Variants in ZNF717 observed in about 807,000 individuals in gnomAD.
The protein encoded by ZNF717 is krueppel-like factor X17.
Under a neutral mutation model 13.8 loss-of-function variants are expected in ZNF717, and 9 were observed. That is an observed-to-expected ratio of 0.65 (90% CI 0.39 to 1.14). The LOEUF (loss-of-function observed/expected upper bound fraction) is 1.14. ZNF717 is among the 50% of genes most tolerant of loss of function. The pLI, the probability that ZNF717 is intolerant of heterozygous loss-of-function variation, is 0.01. For synonymous variants in ZNF717, 327 were observed against 364.1 expected, an observed-to-expected ratio of 0.90 and a Z score of 1.16; for missense variants, 1,040 against 1,080.7, an observed-to-expected ratio of 0.96 and a Z score of 0.53.
At chr3:75,778,210 C>T (rs542451164) in intron 2 of ZNF717, among the ~76,000 whole-genome samples, 2 of 151,820 alleles carry the variant, frequency 1.3e-5, no homozygotes, top group East Asian at 3.9e-4. Flanking sequence ...GAGTGACGTG[C>T]TAAAACTGGA....
At chr3:75,725,690 GAC>G (rs1329471011), downstream of ZNF717, among the ~76,000 whole-genome samples, 41 of 133,560 alleles carry the variant, frequency 3.1e-4, no homozygotes, top group Non-Finnish European at 5.5e-4. Context: ...CACGGCAGCA[GAC>G]AAGAGAGAGC....
chr3:75,735,192 A>T (rs1939010519), downstream of ZNF717, among the ~76,000 whole-genome samples: 1 of 152,214 alleles, frequency 6.6e-6, no homozygotes, highest in South Asian at 2.1e-4. Flanking sequence ...GGCAACAATA[A>T]CACAAGACAT....
At chr3:75,763,784 A>G (rs1943219390) in intron 2 of ZNF717, among the ~76,000 whole-genome samples, 2 of 152,406 alleles carry the variant, frequency 1.3e-5, no homozygotes, top group Admixed American at 1.3e-4. Context: ...CAGAAAAACA[A>G]TCAAACCAGT....
chr3:75,734,172 C>G (rs1938868188), downstream of ZNF717, among the ~76,000 whole-genome samples: 1 of 152,002 alleles, frequency 6.6e-6, no homozygotes, highest in Non-Finnish European at 1.5e-5. Context: ...CAGGTTCAAG[C>G]AATTCTCTGC....
At chr3:75,697,015 G>A (rs1373481468) in intron 6 of ZNF717, among the ~76,000 whole-genome samples, 207 of 148,992 alleles carry the variant, frequency 1.4e-3, no homozygotes, top group African/African-American at 5.0e-3. Context: ...AACTGGGTAT[G>A]GAATGAACAT....
intron 6 of ZNF717, among the ~76,000 whole-genome samples, chr3:75,695,722 A>G (rs1362983191): frequency 1.3e-5 from 2 of 152,248 alleles, no homozygotes; most frequent in African/African-American, 2.4e-5. Flanking sequence ...CTCCTGAATG[A>G]TTAGTAGGTC....
chr3:75,742,665 G>A (rs1355055609), intron 2 of ZNF717, among the ~76,000 whole-genome samples: 1 of 152,208 alleles, frequency 6.6e-6, no homozygotes, highest in African/African-American at 2.4e-5. Flanking sequence ...ATCCTGGACA[G>A]TGATGAAAGC....
At chr3:75,761,076 A>C (rs1942964189) in intron 2 of ZNF717, among the ~76,000 whole-genome samples, 1 of 152,182 alleles carries the variant, frequency 6.6e-6, no homozygotes, top group Non-Finnish European at 1.5e-5. Context: ...ACAAACCACC[A>C]TACTGCATCA....
At chr3:75,767,034 T>C (rs1440511312) in intron 2 of ZNF717, among the ~76,000 whole-genome samples, 1 of 152,266 alleles carries the variant, frequency 6.6e-6, no homozygotes, top group Non-Finnish European at 1.5e-5. Context: ...TTGCCCAGAC[T>C]ACTGACTTAT....
chr3:75,724,681 GTTTA>G (rs1312896443), intron 4 of ZNF717, among the ~76,000 whole-genome samples: 5 of 151,338 alleles, frequency 3.3e-5, no homozygotes, highest in South Asian at 4.2e-4. Flanking sequence ...AAATTGGCAT[GTTTA>G]TTTAAGCAAC....
intron 2 of ZNF717, 28 bp from the exon 3 acceptor site, chr3:75,741,764 C>A (rs1261485817): frequency 9.6e-6 from 15 of 1,567,762 alleles, no homozygotes; most frequent in Non-Finnish European, 1.3e-5. Flanking sequence ...TGTTGTAGGT[C>A]TCCAGCATCA....
intron 2 of ZNF717, among the ~76,000 whole-genome samples, chr3:75,748,070 C>T (rs200196546): frequency 8.5e-5 from 13 of 152,080 alleles, no homozygotes; most frequent in South Asian, 2.1e-4. Flanking sequence ...AACACCTCTA[C>T]GCAAATAAAC....
intron 2 of ZNF717, among the ~76,000 whole-genome samples, chr3:75,762,519 G>A (rs1943123517): frequency 6.7e-6 from 1 of 150,288 alleles, no homozygotes; most frequent in Non-Finnish European, 1.5e-5. Context: ...GAGGGCAAAA[G>A]ATTTGAACAC....
intron 2 of ZNF717, among the ~76,000 whole-genome samples, chr3:75,749,171 T>A (rs1356374145): frequency 1.3e-5 from 2 of 149,850 alleles, no homozygotes; most frequent in Non-Finnish European, 3.0e-5. Context: ...GTCCCCCGCA[T>A]AGGATTCCAG....
intron 2 of ZNF717, among the ~76,000 whole-genome samples, chr3:75,743,457 G>A (rs75833937): frequency 4.6e-5 from 7 of 151,288 alleles, no homozygotes; most frequent in South Asian, 2.1e-4. Flanking sequence ...TCCTTTCTAC[G>A]GGACAAAAAA....
At chr3:75,721,660 C>T (rs1938169304) in intron 4 of ZNF717, among the ~76,000 whole-genome samples, 1 of 152,042 alleles carries the variant, frequency 6.6e-6, no homozygotes, top group Admixed American at 6.6e-5. Flanking sequence ...AAAAATAAAG[C>T]AAATAACTTT....
At position 75,718,737 on chromosome 3, in the gene ZNF717, G is replaced by A. The variant is rs139412638; in HGVS notation, n.545-2196C>T. Among the ~76,000 whole-genome samples, 433 of 151,270 alleles carry A rather than the reference G, an allele frequency of 2.9e-3. 16 individuals carry two copies. The East Asian group carries it at 0.072, about 25-fold the overall frequency. ...ACATGTGCAGTTCACATTGGGGTTC[G>A]TACTCCTATGAGAATCGAATGCTGC... On this transcript the variant is annotated intron_variant and non_coding_transcript_variant, in intron 4 of 5. Coordinates refer to the ZNF717 transcript ENST00000491507.
At chr3:75,783,998 C>A (rs542521947) in intron 1 of ZNF717, among the ~76,000 whole-genome samples, 100 of 152,292 alleles carry the variant, frequency 6.6e-4, no homozygotes, top group Middle Eastern at 3.4e-3. Flanking sequence ...TCTGACTTGT[C>A]CAGTGAATGG....
chr3:75,723,469 A>T, intron 4 of ZNF717, among the ~76,000 whole-genome samples: 1 of 152,368 alleles, frequency 6.6e-6, no homozygotes, highest in East Asian at 1.9e-4. Flanking sequence ...TATATAGAAT[A>T]AGAATACTTG....
Sources: allele counts gnomAD v4.1 joint callset (sites outside exome capture counted in the v4.1 genomes callset), GRCh38; gene constraint gnomAD v4.1.1; transcripts MANE v1.5; gene names NCBI Gene and HGNC (gene_info 2026-07-23, HGNC 2026-07-21).